The following MYO16 variants were observed in gnomAD, a reference collection of about 807,000 sequenced individuals.
MYO16 encodes the protein unconventional myosin-XVI.
MYO16 carries 94 observed loss-of-function variants against 205.3 expected under a neutral mutation model. The ratio of observed to expected loss-of-function variants is 0.46; its 90% CI spans 0.39 to 0.54. MYO16 has a LOEUF of 0.54. Ranked by LOEUF, MYO16 falls within the 20% of genes least tolerant of loss-of-function variation. The probability of loss-of-function intolerance (pLI) is 0.00; values close to 1 mark genes in which losing one functional copy is unlikely to be tolerated. For synonymous variants in MYO16, 988 were observed against 954.0 expected (o/e 1.04, Z -0.66); for missense variants, 2,315 against 2,387.5 (o/e 0.97, Z 0.63).
intron 4 of MYO16, among the ~76,000 whole-genome samples, chr13:108,779,347 T>TA (rs756333148): frequency 6.6e-5 from 10 of 152,036 alleles, no homozygotes; most frequent in East Asian, 5.8e-4. Flanking sequence ...TACTAACTAG[T>TA]AAAAAAACAA....
At chr13:109,112,957 T>C (rs1404861305) in intron 28 of MYO16, among the ~76,000 whole-genome samples, 1 of 152,192 alleles carries the variant, frequency 6.6e-6, no homozygotes, top group East Asian at 1.9e-4. Flanking sequence ...TTAAGTTGAA[T>C]AGTCAGACAG....
intron 4 of MYO16, among the ~76,000 whole-genome samples, chr13:108,778,699 CAATT>C (rs773213682): frequency 1.3e-5 from 2 of 152,152 alleles, no homozygotes; most frequent in African/African-American, 2.4e-5. Flanking sequence ...TAGTCCATCG[CAATT>C]AACAAGAACT....
chr13:108,769,172 G>A (rs1038643611), intron 4 of MYO16, among the ~76,000 whole-genome samples: 9 of 152,176 alleles, frequency 5.9e-5, no homozygotes, highest in East Asian at 1.9e-4. Flanking sequence ...AAATGAGAAC[G>A]GTAAGGGAAT....
chr13:109,022,528 C>T lies in MYO16; in HGVS notation c.2796+2617C>T, dbSNP rs1566466409. Among the ~76,000 whole-genome samples, 9 of 125,298 alleles carry T rather than the reference C, an allele frequency of 7.2e-5. 1 individual carries two copies. Among genetic ancestry groups the T allele is most frequent in the African/African-American group, 2.2e-4 (7 of 31,344 alleles). 82.2% of individuals were successfully genotyped at this position (125,298 alleles called of 152,430 possible). Reference sequence around the variant, plus strand: ...CATATGTATATATTTGTTATATATACAATATAAACATATGTATATATTTCT... The same window carrying T: ...CATATGTATATATTTGTTATATATATAATATAAACATATGTATATATTTCT... On this transcript the variant is annotated intron_variant, in intron 23 of 34. Coordinates refer to ENST00000457511, the MANE Select transcript of MYO16 (RefSeq NM_001198950.3).
intron 34 of MYO16, among the ~76,000 whole-genome samples, chr13:109,197,630 T>G (rs1880214979): frequency 6.6e-6 from 1 of 152,132 alleles, no homozygotes; most frequent in Admixed American, 6.6e-5. Context: ...TCAACATTAC[T>G]CCAACTCTTG....
chr13:109,008,566 ACTAT>A (rs1260069782), intron 21 of MYO16, among the ~76,000 whole-genome samples: 23 of 98,622 alleles, frequency 2.3e-4, no homozygotes, highest in African/African-American at 9.2e-4. Context: ...GCACTACTGT[ACTAT>A]CTATCTTGTG....
At chr13:108,936,674 C>G (rs1882505389) in intron 16 of MYO16, among the ~76,000 whole-genome samples, 1 of 151,988 alleles carries the variant, frequency 6.6e-6, no homozygotes, top group African/African-American at 2.4e-5. Context: ...TTTCCATTTG[C>G]CTGGTAGATC....
At chr13:108,559,511 G>A in the MYO16 span, among the ~76,000 whole-genome samples, 1 of 109,818 alleles carries the variant, frequency 9.1e-6, no homozygotes, top group African/African-American at 3.6e-5. Context: ...GTCTTGCTCT[G>A]TCGCCAGGCT....
At chr13:109,098,992 C>A (rs544781008) in intron 27 of MYO16, among the ~76,000 whole-genome samples, 1 of 152,148 alleles carries the variant, frequency 6.6e-6, no homozygotes, top group South Asian at 2.1e-4. Flanking sequence ...CTAGAATGTT[C>A]GACCTTGAGT....
At chr13:108,630,376 T>C (rs1879924744) in intron 1 of MYO16, among the ~76,000 whole-genome samples, 1 of 152,224 alleles carries the variant, frequency 6.6e-6, no homozygotes, top group South Asian at 2.1e-4. Flanking sequence ...ATCATTCACC[T>C]TGCGGTGCTT....
intron 10 of MYO16, among the ~76,000 whole-genome samples, chr13:108,846,049 T>G (rs1208520333): frequency 6.6e-6 from 1 of 152,160 alleles, no homozygotes; most frequent in Non-Finnish European, 1.5e-5. Context: ...TAACTTCTGT[T>G]GACATTCCAA....
At chr13:108,793,740 G>A in intron 6 of MYO16, 100 bp downstream of exon 6, 5 of 1,061,678 alleles carry the variant, frequency 4.7e-6, no homozygotes, top group Non-Finnish European at 6.5e-6. Flanking sequence ...TAATTGTTGT[G>A]ATCATAAAGT....
chr13:109,206,834 T>G lies in MYO16; in HGVS notation c.5641T>G (p.Ter1881GlyextTer10). ...GTCTGAGCTCTGGGACACCACCATTTGATGTGGCCTGAACTGCAGACTTAC... is the reference window on the plus strand; with the variant it reads ...GTCTGAGCTCTGGGACACCACCATTGGATGTGGCCTGAACTGCAGACTTAC... ...LPSELWDTTI[*>G] The change falls in exon 35 of 35, where the codon TGA becomes GGA. Residue 1881 changes from the stop codon to glycine, a stop_lost. Transcript: ENST00000457511. The G allele has an allele frequency of 6.2e-7, 1 of 1,613,392 alleles. No homozygotes were observed. The highest frequency in any genetic ancestry group is 8.5e-7 in the Non-Finnish European group (1 of 1,179,542).
the MYO16 span, among the ~76,000 whole-genome samples, chr13:108,570,868 T>A: frequency 6.6e-6 from 1 of 152,210 alleles, no homozygotes; most frequent in African/African-American, 2.4e-5. Context: ...TGTAGAGAGA[T>A]TAATGCTTGC....
chr13:109,067,971 AC>A (rs1219172731), intron 27 of MYO16, among the ~76,000 whole-genome samples: 1 of 152,208 alleles, frequency 6.6e-6, no homozygotes, highest in African/African-American at 2.4e-5. Context: ...TGAAACAAAT[AC>A]GCAAAGCTGA....
At chr13:108,499,464 C>A in the MYO16 span, among the ~76,000 whole-genome samples, 1 of 152,168 alleles carries the variant, frequency 6.6e-6, no homozygotes, top group South Asian at 2.1e-4. Context: ...GAGCACACTG[C>A]GTTTGAGAAC....
At chr13:109,186,375 CAG>C (rs1361382040) in intron 34 of MYO16, among the ~76,000 whole-genome samples, 3 of 152,140 alleles carry the variant, frequency 2.0e-5, no homozygotes, top group Admixed American at 6.5e-5. Context: ...TGTGGTGCCT[CAG>C]GGGGACAGAT....
At chr13:108,653,758 T>G (rs1433863085) in intron 1 of MYO16, among the ~76,000 whole-genome samples, 1 of 151,362 alleles carries the variant, frequency 6.6e-6, no homozygotes, top group Non-Finnish European at 1.5e-5. Flanking sequence ...TATGCTTATA[T>G]GCACACACAC....
intron 4 of MYO16, among the ~76,000 whole-genome samples, chr13:108,782,438 T>C (rs921227814): frequency 6.6e-6 from 1 of 152,190 alleles, no homozygotes; most frequent in African/African-American, 2.4e-5. Context: ...TTAAAAGCAT[T>C]CCTTTTTAAA....
Sources: gnomAD v4.1 joint callset for allele counts (sites outside exome capture counted in the v4.1 genomes callset) on GRCh38, gnomAD v4.1.1 for gene constraint, MANE v1.5 for transcripts, NCBI Gene and HGNC (gene_info 2026-07-23, HGNC 2026-07-21) for gene names.